The following KLHL4 variants were observed in gnomAD, a reference collection of about 807,000 sequenced individuals.
KLHL4 encodes kelch like family member 4, also known as kelch-like protein 4.
KLHL4 carries 17 observed loss-of-function variants against 45.8 expected under a neutral mutation model. The observed-to-expected ratio is 0.37, with a 90% CI of 0.25 to 0.56. The LOEUF (loss-of-function observed/expected upper bound fraction) is 0.56. Ranked by LOEUF, KLHL4 falls within the 20% of genes least tolerant of loss-of-function variation. The pLI is 0.79. For synonymous variants in KLHL4, 224 were observed against 189.9 expected (o/e 1.18, Z -1.47); for missense variants, 544 against 544.9 (o/e 1.00, Z 0.02).
chrX:87,588,413 A>T (rs1443427399), intron 1 of KLHL4, among the ~76,000 whole-genome samples: 7 of 111,981 alleles, frequency 6.3e-5, no homozygotes, highest in Non-Finnish European at 1.9e-5. Context: ...AAGCTATAGT[A>T]ACCAAAACAG....
At chrX:87,621,908 G>A (rs766790469) in intron 4 of KLHL4, among the ~76,000 whole-genome samples, 3 of 111,120 alleles carry the variant, frequency 2.7e-5, no homozygotes, top group African/African-American at 9.8e-5. Flanking sequence ...TGTCACATAC[G>A]GCAGCTGGGA....
At chrX:87,635,017 G>C (rs1923216478) in intron 8 of KLHL4, among the ~76,000 whole-genome samples, 1 of 111,716 alleles carries the variant, frequency 9.0e-6, no homozygotes, top group Non-Finnish European at 1.9e-5. Flanking sequence ...TAAAATGTAT[G>C]GGAGAAATGT....
Position 87,631,256 on chromosome X carries a change from A to G in KLHL4, c.1325-954A>G, listed in dbSNP as rs148624826. ...CTCCATGTTGGAAATGCCTGCCCCC[A>G]AGGTAGCCCTTTCCTATCGGTGCAG... On this transcript the variant is annotated intron_variant, in intron 6 of 10. Coordinates refer to ENST00000373119, the MANE Select transcript of KLHL4 (RefSeq NM_019117.5). Among the ~76,000 whole-genome samples the G allele has an allele frequency of 7.0e-4, 78 of 111,753 alleles. 1 individual carries two copies. The East Asian group carries it at 0.015, about 22-fold the overall frequency.
At chrX:87,545,043 G>T (rs1461648207) in intron 1 of KLHL4, among the ~76,000 whole-genome samples, 1 of 111,973 alleles carries the variant, frequency 8.9e-6, no homozygotes, top group Non-Finnish European at 1.9e-5. Flanking sequence ...GAAACTCAAA[G>T]AAATTCAAGA....
At chrX:87,639,608 G>T (rs1923382401) in intron 9 of KLHL4, among the ~76,000 whole-genome samples, 1 of 111,201 alleles carries the variant, frequency 9.0e-6, no homozygotes, top group Non-Finnish European at 1.9e-5. Context: ...GCTTCTGAAT[G>T]ATCATTGGGT....
chrX:87,540,599 G>A (rs1051409200), intron 1 of KLHL4, among the ~76,000 whole-genome samples: 6 of 110,798 alleles, frequency 5.4e-5, no homozygotes, highest in African/African-American at 1.3e-4. Flanking sequence ...TGTATCACTG[G>A]AAGGCCTTTG....
intron 1 of KLHL4, among the ~76,000 whole-genome samples, chrX:87,548,339 T>A (rs1931728293): frequency 9.0e-6 from 1 of 111,613 alleles, no homozygotes; most frequent in Non-Finnish European, 1.9e-5. Context: ...ACACCAGACA[T>A]GTCTACAAGA....
chrX:87,522,555 TC>T (rs1402530388), intron 1 of KLHL4, among the ~76,000 whole-genome samples: 1 of 111,676 alleles, frequency 9.0e-6, no homozygotes, highest in Non-Finnish European at 1.9e-5. Context: ...TTTCTGAAGT[TC>T]AGAACTAGGC....
intron 5 of KLHL4, among the ~76,000 whole-genome samples, chrX:87,624,315 C>T (rs1213141268): frequency 9.0e-6 from 1 of 111,309 alleles, no homozygotes; most frequent in Non-Finnish European, 1.9e-5. Flanking sequence ...TATAGGCTTT[C>T]CAAAAGAATT....
At chrX:87,663,751 G>A (rs913604253) in intron 9 of KLHL4, among the ~76,000 whole-genome samples, 1 of 112,214 alleles carries the variant, frequency 8.9e-6, no homozygotes, top group East Asian at 2.8e-4. Context: ...GACACTCAAT[G>A]ATATAGAATT....
rs748936359 is a variant in KLHL4 at position 87,658,285 on chromosome X, C to T, written c.1926-6479C>T. ...CTTCTCTCAGTTCTGGCCATGGGGA[C>T]TCCTCTCCTGTTTGAGACTAGATCA... On this transcript the variant is annotated intron_variant, in intron 9 of 10. Coordinates refer to ENST00000373119, the MANE Select transcript of KLHL4 (RefSeq NM_019117.5). Among the ~76,000 whole-genome samples the T allele has an allele frequency of 2.7e-5, 3 of 111,869 alleles. No individual in the cohort carries two copies. The East Asian group carries it at 8.5e-4, about 32-fold the overall frequency.
At chrX:87,606,169 A>G (rs1232796461) in intron 1 of KLHL4, among the ~76,000 whole-genome samples, 1 of 110,993 alleles carries the variant, frequency 9.0e-6, no homozygotes, top group Non-Finnish European at 1.9e-5. Context: ...TGTTCAAGAA[A>G]CCTATAGTTT....
At chrX:87,614,316 A>G in intron 2 of KLHL4, 118 bp from the exon 3 acceptor site, 1 of 722,423 alleles carries the variant, frequency 1.4e-6, no homozygotes, top group East Asian at 3.3e-5. Flanking sequence ...TAACTGAATT[A>G]TAAAGATTTT....
intron 9 of KLHL4, among the ~76,000 whole-genome samples, chrX:87,648,686 C>A (rs1923715742): frequency 9.0e-6 from 1 of 111,305 alleles, no homozygotes; most frequent in Non-Finnish European, 1.9e-5. Flanking sequence ...GTACCACTGA[C>A]ACATAATTGA....
At chrX:87,642,261 T>C (rs1414182111) in intron 9 of KLHL4, among the ~76,000 whole-genome samples, 1 of 111,331 alleles carries the variant, frequency 9.0e-6, no homozygotes, top group African/African-American at 3.3e-5. Context: ...CAGATAGACT[T>C]GCTGGGTGGC....
intron 9 of KLHL4, among the ~76,000 whole-genome samples, chrX:87,640,522 A>G (rs1923418426): frequency 8.9e-6 from 1 of 112,219 alleles, no homozygotes; most frequent in African/African-American, 3.2e-5. Flanking sequence ...CCAGGGACGC[A>G]GGGATTGTTT....
Position 87,614,520 on chromosome X carries a change from A to G in KLHL4, c.677A>G (p.Glu226Gly). 8.3e-7 allele frequency: 1 copy of G among 1,209,313 alleles called. No homozygotes were observed. The change falls in exon 3 of 11, where the codon GAA (glutamate) becomes GGA (glycine). Residue 226 changes from glutamate (E) to glycine (G), a missense_variant. Coordinates refer to ENST00000373119, the MANE Select transcript of KLHL4 (RefSeq NM_019117.5). ...GCCAAACAAGAAGAGGTCAGGATGG[A>G]AGGAGTAGATCCAAATGCACTAAAT... ...LEAKQEEVRM[E>G]GVDPNALNSL...
Position 87,652,489 on chromosome X carries a change from A to G in KLHL4, c.1926-12275A>G, listed in dbSNP as rs34278107. Among the ~76,000 whole-genome samples, 3 of 112,117 alleles carry G rather than the reference A, an allele frequency of 2.7e-5. No individual in the cohort carries two copies. In the Admixed American group the frequency reaches 2.8e-4, roughly 11 times the overall value. On this transcript the variant is annotated intron_variant, in intron 9 of 10. Coordinates refer to ENST00000373119, the MANE Select transcript of KLHL4 (RefSeq NM_019117.5). ...ATAAATTTCTTCTACCAGATACCCT[A>G]AATAATTTCTCTCAAGTTTAAAGTT... is the stretch of plus-strand genomic sequence containing the variant.
chrX:87,566,760 T>G (rs767910685), intron 1 of KLHL4, among the ~76,000 whole-genome samples: 1 of 111,425 alleles, frequency 9.0e-6, no homozygotes, highest in Non-Finnish European at 1.9e-5. Context: ...GGATTTATTC[T>G]GGTAAAGTTG....
Sources: allele counts gnomAD v4.1 joint callset (sites outside exome capture counted in the v4.1 genomes callset), GRCh38; gene constraint gnomAD v4.1.1; transcripts MANE v1.5; gene names NCBI Gene and HGNC (gene_info 2026-07-23, HGNC 2026-07-21).